ATXN7: variants seen among roughly 807,000 people sequenced by gnomAD.
ATXN7 encodes the protein ataxin 7.
Under a neutral mutation model 70.5 loss-of-function variants are expected in ATXN7, and 12 were observed. The ratio of observed to expected loss-of-function variants is 0.17; its 90% CI spans 0.11 to 0.28. The LOEUF (loss-of-function observed/expected upper bound fraction) is 0.28, where lower values mean the gene tolerates loss of function less well. ATXN7 is among the 10% of genes least tolerant of loss of function. ATXN7 has a pLI of 1.00. For synonymous variants in ATXN7, 498 were observed against 448.7 expected (o/e 1.11, Z -1.39); for missense variants, 1,256 against 1,131.7 (o/e 1.11, Z -1.58).
intron 1 of ATXN7, chr3:63,866,951 G>C (rs1178680572): frequency 6.7e-6 from 1 of 149,320 alleles, no homozygotes; most frequent in Non-Finnish European, 1.5e-5. Flanking sequence ...TGAGTCATAA[G>C]ATTTCTGGGT....
chr3:63,936,383 CTG>C (rs1322611699), intron 4 of ATXN7, among the ~76,000 whole-genome samples: 10 of 152,144 alleles, frequency 6.6e-5, no homozygotes, highest in African/African-American at 2.2e-4. Context: ...CATGTGGTGT[CTG>C]TGAAATTTTC....
chr3:63,863,371 C>T, upstream of ATXN7: 1 of 912,978 alleles, frequency 1.1e-6, no homozygotes, highest in Non-Finnish European at 1.3e-6. Context: ...GTCCACCCTT[C>T]GCGGCTCCTG....
At chr3:63,870,510 A>C (rs1702562467) in intron 1 of ATXN7, among the ~76,000 whole-genome samples, 1 of 152,200 alleles carries the variant, frequency 6.6e-6, no homozygotes, top group Non-Finnish European at 1.5e-5. Context: ...ATGAAACTTC[A>C]GTCAATAAGT....
In ATXN7 at chr3:64,000,200, C is replaced by A. The variant is rs1256290222; in HGVS notation, c.*733C>A. ...TTTTGGAGGCTTACTTTTCATGATA[C>A]AAAAGCAATTCTGTGTGATTTTTTT... On this transcript the variant is annotated 3_prime_UTR_variant, in exon 13 of 13. Coordinates refer to ENST00000674280, the MANE Select transcript of ATXN7 (RefSeq NM_001377405.1). 1 of 127,778 alleles carries A rather than the reference C, an allele frequency of 7.8e-6. No homozygotes were observed. The highest frequency in any genetic ancestry group is 3.1e-5 in the African/African-American group (1 of 32,658). 7.9% of individuals were successfully genotyped at this position (127,778 alleles called of 1,614,324 possible). A position where few individuals can be genotyped will look rare whatever the true frequency, so the allele number is the denominator to read the frequency against.
chr3:63,916,517 A>G (rs1704273665), intron 4 of ATXN7, among the ~76,000 whole-genome samples: 2 of 152,294 alleles, frequency 1.3e-5, no homozygotes, highest in Middle Eastern at 3.4e-3. Flanking sequence ...TACTTTGACC[A>G]ACTCCTATCA....
intron 12 of ATXN7, 117 bp downstream of exon 12, chr3:63,996,600 G>C: frequency 8.0e-6 from 4 of 500,686 alleles, no homozygotes; most frequent in Non-Finnish European, 9.4e-6. Context: ...CAGATATTCA[G>C]CTTCATGGTG....
intron 5 of ATXN7, among the ~76,000 whole-genome samples, chr3:63,971,563 A>G (rs1186259464): frequency 6.6e-6 from 1 of 152,204 alleles, no homozygotes; most frequent in African/African-American, 2.4e-5. Context: ...AAAGTTGACA[A>G]CAATGAAAGT....
At chr3:63,990,957 T>C in intron 11 of ATXN7, 98 bp downstream of exon 11, 1 of 1,573,096 alleles carries the variant, frequency 6.4e-7, no homozygotes, top group Admixed American at 1.7e-5. Flanking sequence ...TATGCTTATC[T>C]AAACAAAACT....
At position 64,001,631 on chromosome 3, in the gene ATXN7, A is replaced by G. The variant is rs540455579; in HGVS notation, c.*2164A>G. On this transcript the variant is annotated 3_prime_UTR_variant, in exon 13 of 13. Coordinates refer to ENST00000674280, the MANE Select transcript of ATXN7 (RefSeq NM_001377405.1). ...TAGATTAGCAAGTATTGAACATTTG[A>G]TTTCTTAGACTGAGGTTTTAAATGA... 1 of 152,312 alleles carries G rather than the reference A, an allele frequency of 6.6e-6. No homozygotes were observed. Among genetic ancestry groups the G allele is most frequent in the Non-Finnish European group, 1.5e-5 (1 of 68,020 alleles). 9.4% of individuals were successfully genotyped at this position (152,312 alleles called of 1,614,324 possible).
chr3:63,890,961 A>G (rs1703239437), intron 1 of ATXN7, among the ~76,000 whole-genome samples: 1 of 152,198 alleles, frequency 6.6e-6, no homozygotes, highest in African/African-American at 2.4e-5. Flanking sequence ...GGCCTAGCCC[A>G]GAAGTGTGGC....
At position 63,990,308 on chromosome 3, in the gene ATXN7, T is replaced by C. The variant is rs1255339325; in HGVS notation, c.1494T>C (p.Asp498=). Residue 498 remains aspartate (D), a synonymous_variant, in exon 10 of 13, where the codon GAT becomes GAC. Coordinates refer to ENST00000674280, the MANE Select transcript of ATXN7 (RefSeq NM_001377405.1). ...SRLSSEEGEG[D]DKEESVEKLD... Reference sequence around the variant, plus strand: ...TATCCAGTGAGGAGGGCGAAGGCGATGACAAAGAAGAGTCTGTTGAAAAAC... The same window carrying C: ...TATCCAGTGAGGAGGGCGAAGGCGACGACAAAGAAGAGTCTGTTGAAAAAC... The C allele has an allele frequency of 1.2e-6, 2 of 1,614,152 alleles. No homozygotes were observed. Among genetic ancestry groups the C allele is most frequent in the East Asian group, 2.2e-5 (1 of 44,860 alleles).
chr3:63,986,045 A>G (rs2075573645), intron 8 of ATXN7, among the ~76,000 whole-genome samples: 1 of 152,222 alleles, frequency 6.6e-6, no homozygotes, highest in African/African-American at 2.4e-5. Context: ...CTTTCTTGCC[A>G]TAGGAACATT....
At chr3:63,967,825 A>G in intron 5 of ATXN7, 1 of 1,519,826 alleles carries the variant, frequency 6.6e-7, no homozygotes, top group Non-Finnish European at 8.8e-7. Context: ...CCAAACATGG[A>G]GCATATTTGG....
intron 1 of ATXN7, among the ~76,000 whole-genome samples, chr3:63,890,540 A>G (rs1486544361): frequency 2.0e-5 from 3 of 152,322 alleles, no homozygotes; most frequent in Middle Eastern, 3.4e-3. Flanking sequence ...AGAGGAAATG[A>G]TTACTGATCT....
intron 4 of ATXN7, among the ~76,000 whole-genome samples, chr3:63,933,762 A>G (rs1338486406): frequency 4.6e-5 from 7 of 152,200 alleles, no homozygotes; most frequent in African/African-American, 1.4e-4. Context: ...TCTACTGGGT[A>G]TTGAAATAAA....
chr3:63,990,607 G>C (rs2075654833), intron 10 of ATXN7, 131 bp from the exon 11 acceptor site: 1 of 1,435,272 alleles, frequency 7.0e-7, no homozygotes, highest in South Asian at 1.2e-5. Context: ...TCACTCTCAT[G>C]CTTCACAGCC....
At chr3:63,973,334 G>C (rs765932512) in intron 5 of ATXN7, among the ~76,000 whole-genome samples, 1 of 152,154 alleles carries the variant, frequency 6.6e-6, no homozygotes, top group East Asian at 1.9e-4. Flanking sequence ...AGAGTGACTC[G>C]AAGCATGCAT....
At chr3:63,874,553 A>G (rs182614653) in intron 1 of ATXN7, among the ~76,000 whole-genome samples, 15 of 152,234 alleles carry the variant, frequency 9.9e-5, no homozygotes, top group Admixed American at 3.3e-4. Context: ...AGGGAAGAGG[A>G]GATATTTTCT....
intron 4 of ATXN7, among the ~76,000 whole-genome samples, chr3:63,929,610 G>A (rs1011591260): frequency 5.3e-5 from 8 of 152,012 alleles, no homozygotes; most frequent in South Asian, 2.1e-4. Flanking sequence ...ATTTTTACTC[G>A]TACCCATTAA....
Sources: allele counts gnomAD v4.1 joint callset (sites outside exome capture counted in the v4.1 genomes callset), GRCh38; gene constraint gnomAD v4.1.1; transcripts MANE v1.5; gene names NCBI Gene and HGNC (gene_info 2026-07-23, HGNC 2026-07-21).